SOX5: variants seen among roughly 807,000 people sequenced by gnomAD.
The protein encoded by SOX5 is transcription factor SOX-5.
Under a neutral mutation model 92.0 loss-of-function variants are expected in SOX5, and 9 were observed. That is an observed-to-expected ratio of 0.10 (90% CI 0.06 to 0.17). SOX5 has a LOEUF of 0.17. Among genes scored for constraint, SOX5 ranks in the 10% least tolerant of loss-of-function variants. The pLI is 1.00. For synonymous variants in SOX5, 344 were observed against 336.3 expected (o/e 1.02, Z -0.25); for missense variants, 642 against 944.5 (o/e 0.68, Z 4.20).
intron 6 of SOX5, among the ~76,000 whole-genome samples, chr12:23,694,354 C>A (rs913069744): frequency 1.3e-5 from 2 of 152,144 alleles, no homozygotes; most frequent in Admixed American, 6.5e-5. Flanking sequence ...TCTATTCTTG[C>A]ATTCTAGGGC....
At position 24,257,491 on chromosome 12, in the gene SOX5, C is replaced by G. The variant is rs181098322; in HGVS notation, c.-77+19725G>C. ...TGTTTTGTTTTGTTTTTTTCTGAAA[C>G]AGAATCTTGCTCTGTCGCCCACGCT... On this transcript the variant is annotated intron_variant, in intron 3 of 4. Coordinates refer to the SOX5 transcript ENST00000446891. Among the ~76,000 whole-genome samples, 55 of 151,754 alleles carry G rather than the reference C, an allele frequency of 3.6e-4. 1 individual carries two copies. Among genetic ancestry groups the G allele is most frequent in the African/African-American group, 9.9e-4 (41 of 41,458 alleles).
chr12:23,596,060 C>T (rs183517728), intron 9 of SOX5, among the ~76,000 whole-genome samples: 61 of 152,258 alleles, frequency 4.0e-4, no homozygotes, highest in African/African-American at 1.3e-3. Flanking sequence ...GACTGAATAC[C>T]TTCTGGGCTT....
At chr12:24,063,610 T>C (rs1052609394) in intron 4 of SOX5, among the ~76,000 whole-genome samples, 1 of 152,232 alleles carries the variant, frequency 6.6e-6, no homozygotes, top group Non-Finnish European at 1.5e-5. Context: ...GGATGGCGAA[T>C]GATTTCATAT....
At chr12:23,831,810 C>T (rs998462216) in intron 3 of SOX5, among the ~76,000 whole-genome samples, 5 of 151,910 alleles carry the variant, frequency 3.3e-5, no homozygotes, top group African/African-American at 1.2e-4. Context: ...AAAAATTTCA[C>T]AAATAAATGC....
chr12:23,637,516 C>A (rs947646657), intron 8 of SOX5, among the ~76,000 whole-genome samples: 1 of 152,146 alleles, frequency 6.6e-6, no homozygotes, highest in Admixed American at 6.5e-5. Flanking sequence ...TCTCTCATTC[C>A]TCCCACCCTA....
intron 1 of SOX5, among the ~76,000 whole-genome samples, chr12:24,390,916 T>C (rs557785990): frequency 6.6e-5 from 10 of 152,274 alleles, no homozygotes; most frequent in East Asian, 1.9e-4. Flanking sequence ...CTTGGACATA[T>C]TGATTTATTT....
At chr12:23,825,398 G>T (rs894136065) in intron 3 of SOX5, among the ~76,000 whole-genome samples, 4 of 152,166 alleles carry the variant, frequency 2.6e-5, no homozygotes, top group Non-Finnish European at 5.9e-5. Flanking sequence ...CCTCCGTGGG[G>T]TGCACCCACT....
At chr12:23,859,452 A>G (rs113782509) in intron 2 of SOX5, among the ~76,000 whole-genome samples, 9,737 of 152,182 alleles carry the variant, frequency 0.064, 433 homozygotes, top group South Asian at 0.11. Flanking sequence ...AGCCTGGTGA[A>G]TTCTAGTCAG....
intron 13 of SOX5, among the ~76,000 whole-genome samples, chr12:23,538,301 T>C (rs1413091976): frequency 6.6e-6 from 1 of 152,226 alleles, no homozygotes; most frequent in Non-Finnish European, 1.5e-5. Context: ...GAAGAGATAT[T>C]GTATTGCATA....
At chr12:24,287,838 C>T (rs1052422998) in intron 2 of SOX5, among the ~76,000 whole-genome samples, 5 of 151,910 alleles carry the variant, frequency 3.3e-5, no homozygotes, top group South Asian at 2.1e-4. Context: ...AAAATTCTTA[C>T]GAGACCCCAA....
At chr12:23,968,284 C>A (rs1569311522) in intron 4 of SOX5, among the ~76,000 whole-genome samples, 2 of 152,186 alleles carry the variant, frequency 1.3e-5, no homozygotes, top group Non-Finnish European at 2.9e-5. Flanking sequence ...ATTTGATTAA[C>A]AGTGACCTCT....
intron 4 of SOX5, among the ~76,000 whole-genome samples, chr12:23,753,137 T>G (rs186173452): frequency 1.2e-3 from 176 of 151,962 alleles, no homozygotes; most frequent in Middle Eastern, 3.4e-3. Flanking sequence ...ATGCTATTCA[T>G]TTTTCCTATT....
At chr12:23,942,011 C>A (rs1340679470) in intron 1 of SOX5, among the ~76,000 whole-genome samples, 1 of 151,018 alleles carries the variant, frequency 6.6e-6, no homozygotes, top group Non-Finnish European at 1.5e-5. Flanking sequence ...AAAACCATTG[C>A]CCAACAAACA....
At chr12:24,396,584 A>G (rs911312612) in intron 1 of SOX5, among the ~76,000 whole-genome samples, 1 of 152,070 alleles carries the variant, frequency 6.6e-6, no homozygotes, top group Non-Finnish European at 1.5e-5. Flanking sequence ...TCCTGCCTCC[A>G]CTCACAGGCT....
At chr12:24,175,623 A>ATG (rs1210456747) in intron 4 of SOX5, among the ~76,000 whole-genome samples, 4 of 152,166 alleles carry the variant, frequency 2.6e-5, no homozygotes, top group South Asian at 2.1e-4. Context: ...TTTTATTTGT[A>ATG]TGTGTGTGTA....
intron 6 of SOX5, among the ~76,000 whole-genome samples, chr12:23,680,354 T>C (rs199812166): frequency 1.0e-5 from 1 of 98,940 alleles, no homozygotes; most frequent in East Asian, 3.0e-4. Context: ...AAAAGAAAAA[T>C]ATAATAACAG....
In SOX5 at chr12:23,895,946, C is replaced by T. The variant is rs776505819; in HGVS notation, c.117G>A (p.Val39=). The T allele has an allele frequency of 1.2e-6, 2 of 1,614,106 alleles. No homozygotes were observed. Among genetic ancestry groups the T allele is most frequent in the Non-Finnish European group, 1.7e-6 (2 of 1,179,960 alleles). ...EVAMVTSRQK[V]EEEESDGLPA... ...GGAGCCCGTCACTCTCCTCTTCTTC[C>T]ACTTTCTGTCTGCTTGTCACCATGG... is the stretch of plus-strand genomic sequence containing the variant. Residue 39 remains valine (V), a synonymous_variant, in exon 2 of 15, where the codon GTG becomes GTA. Coordinates refer to ENST00000451604, the MANE Select transcript of SOX5 (RefSeq NM_006940.6).
intron 6 of SOX5, among the ~76,000 whole-genome samples, chr12:23,705,312 C>T (rs2091245209): frequency 1.3e-5 from 2 of 151,996 alleles, no homozygotes; most frequent in South Asian, 4.1e-4. Flanking sequence ...TGAGATCTCA[C>T]ACATTCATCT....
intron 1 of SOX5, among the ~76,000 whole-genome samples, chr12:24,426,309 G>T (rs750418838): frequency 6.6e-6 from 1 of 151,966 alleles, no homozygotes; most frequent in South Asian, 2.1e-4. Context: ...GGGGCCTGTC[G>T]GGGGGTGGGG....
Sources: allele counts gnomAD v4.1 joint callset (sites outside exome capture counted in the v4.1 genomes callset), GRCh38; gene constraint gnomAD v4.1.1; transcripts MANE v1.5; gene names NCBI Gene and HGNC (gene_info 2026-07-23, HGNC 2026-07-21).